Variants in DNAI3 observed in about 807,000 individuals in gnomAD.
The protein encoded by DNAI3 is dynein axonemal intermediate chain 3.
In DNAI3, 83 loss-of-function variants were observed where a neutral mutation model predicts 115.5. That is an observed-to-expected ratio of 0.72 (90% CI 0.60 to 0.86). The LOEUF (loss-of-function observed/expected upper bound fraction) is 0.86. DNAI3 is among the 40% of genes least tolerant of loss of function. DNAI3 has a pLI of 0.00. For synonymous variants in DNAI3, 320 were observed against 347.0 expected (o/e 0.92, Z 0.86); for missense variants, 1,004 against 1,075.8 (o/e 0.93, Z 0.93).
intron 6 of DNAI3, 112 bp downstream of exon 6, chr1:85,084,807 T>C: frequency 8.9e-7 from 1 of 1,129,858 alleles, no homozygotes; most frequent in Non-Finnish European, 1.1e-6. Context: ...TAGTTTTTGG[T>C]GTGTTGTTTT....
At chr1:85,124,674 G>A (rs1016013191) in intron 19 of DNAI3, among the ~76,000 whole-genome samples, 1 of 152,170 alleles carries the variant, frequency 6.6e-6, no homozygotes, top group Non-Finnish European at 1.5e-5. Context: ...GGGACGACAG[G>A]TGTACGCCAC....
At chr1:85,116,862 AAGAG>A (rs1655835246) in intron 16 of DNAI3, among the ~76,000 whole-genome samples, 1 of 152,166 alleles carries the variant, frequency 6.6e-6, no homozygotes. Context: ...ATCCAAAACA[AAGAG>A]AGTATTGGTT....
intron 19 of DNAI3, among the ~76,000 whole-genome samples, chr1:85,125,215 G>A (rs1406889000): frequency 6.6e-6 from 1 of 152,006 alleles, no homozygotes; most frequent in Non-Finnish European, 1.5e-5. Flanking sequence ...ATCAAAGCCT[G>A]AAACTATATA....
At chr1:85,076,664 G>C (rs894155892) in intron 3 of DNAI3, among the ~76,000 whole-genome samples, 1 of 152,126 alleles carries the variant, frequency 6.6e-6, no homozygotes, top group Admixed American at 6.5e-5. Flanking sequence ...GGTCTCATGA[G>C]ACTTATTCAC....
At chr1:85,084,168 T>C (rs577973656) in intron 5 of DNAI3, among the ~76,000 whole-genome samples, 1 of 103,376 alleles carries the variant, frequency 9.7e-6, no homozygotes, top group African/African-American at 3.3e-5. Flanking sequence ...TGTGTGTATA[T>C]ATATATGTGT....
chr1:85,069,224 TTAA>T (rs1386451707), intron 1 of DNAI3, among the ~76,000 whole-genome samples: 5 of 152,158 alleles, frequency 3.3e-5, no homozygotes, highest in Non-Finnish European at 7.4e-5. Context: ...CCCAGAACCT[TTAA>T]ACATACTGTT....
intron 10 of DNAI3, 28 bp downstream of exon 10, chr1:85,094,583 C>T (rs764430944): frequency 3.7e-6 from 6 of 1,608,096 alleles, no homozygotes; most frequent in Non-Finnish European, 5.1e-6. Flanking sequence ...CCTACATAGC[C>T]TAAATTTTCA....
Position 85,084,263 on chromosome 1 carries a change from TATATATATATATATACACATCC to T in DNAI3, c.391-278_391-257del, listed in dbSNP as rs200200836. ...TATCAGCAGTGTGTATATATATATATATATATATATATATACACATCCATATGTAGAGATGTGTATATATATC... is the reference window on the plus strand; with the variant it reads ...TATCAGCAGTGTGTATATATATATATATATGTAGAGATGTGTATATATATC... On this transcript the variant is annotated intron_variant, in intron 5 of 22. Coordinates refer to ENST00000294664, the MANE Select transcript of DNAI3 (RefSeq NM_145172.5). 3.1e-3 allele frequency among the ~76,000 whole-genome samples: 329 copies of T among 104,950 alleles called. 14 individuals carry two copies. The East Asian group carries it at 0.076, about 24-fold the overall frequency. 68.9% of individuals were successfully genotyped at this position (104,950 alleles called of 152,430 possible).
intron 1 of DNAI3, among the ~76,000 whole-genome samples, chr1:85,063,349 A>T (rs1245095585): frequency 6.6e-6 from 1 of 151,520 alleles, no homozygotes; most frequent in Non-Finnish European, 1.5e-5. Flanking sequence ...GGTGGGAGGG[A>T]AGGGGATTCT....
Position 85,127,161 on chromosome 1 carries a change from A to G in DNAI3, c.2317+446A>G, listed in dbSNP as rs150304584. On this transcript the variant is annotated intron_variant, in intron 20 of 22. Coordinates refer to ENST00000294664, the MANE Select transcript of DNAI3 (RefSeq NM_145172.5). Reference sequence around the variant, plus strand: ...TACAAATCATATTTTTAAATATTATATCACTTTTGTGGTTCTCCCCTGGCT... The same window carrying G: ...TACAAATCATATTTTTAAATATTATGTCACTTTTGTGGTTCTCCCCTGGCT... Among the ~76,000 whole-genome samples the G allele has an allele frequency of 3.0e-3, 459 of 152,300 alleles. 1 individual carries two copies. In the Middle Eastern group the frequency reaches 0.034, roughly 11 times the overall value.
chr1:85,122,031 C>T (rs1015659470), intron 18 of DNAI3, among the ~76,000 whole-genome samples: 1 of 152,154 alleles, frequency 6.6e-6, no homozygotes, highest in Non-Finnish European at 1.5e-5. Flanking sequence ...CTACGCCAGG[C>T]CTTCTGAATT....
At chr1:85,119,777 AACCTCCACC>A (rs1655937614) in intron 17 of DNAI3, among the ~76,000 whole-genome samples, 1 of 151,430 alleles carries the variant, frequency 6.6e-6, no homozygotes, top group Non-Finnish European at 1.5e-5. Flanking sequence ...GGCTTATTGC[AACCTCCACC>A]TCCCAGGTTC....
intron 22 of DNAI3, among the ~76,000 whole-genome samples, chr1:85,130,936 TGGAATTTTG>T (rs1347405537): frequency 6.6e-6 from 1 of 152,192 alleles, no homozygotes; most frequent in Non-Finnish European, 1.5e-5. Flanking sequence ...CCTTGCCCAC[TGGAATTTTG>T]GGCTTCTAAA....
Position 85,081,338 on chromosome 1 carries a change from A to G in DNAI3, c.208A>G (p.Asn70Asp). 1.2e-6 allele frequency: 2 copies of G among 1,605,052 alleles called. No individual in the cohort carries two copies. Among genetic ancestry groups the G allele is most frequent in the Non-Finnish European group, 1.7e-6 (2 of 1,177,464 alleles). ...VTDEQPYKLI[N>D]KEDIFEDLRN... The stretch of plus-strand genomic sequence containing the variant: ...AGATGAACAACCTTATAAGCTTATC[A>G]ATAAAGAAGACATTTTTGAGGACCT... Residue 70 changes from asparagine to aspartate, a missense_variant, in exon 4 of 23, where the codon AAT becomes GAT. Asn to Asp is a conservative substitution (Grantham distance 23). Transcript: ENST00000294664.
At chr1:85,093,687 A>G (rs1201447722) in intron 9 of DNAI3, 39 bp downstream of exon 9, 1 of 1,611,356 alleles carries the variant, frequency 6.2e-7, no homozygotes, top group Non-Finnish European at 8.5e-7. Flanking sequence ...TTGTGATAAC[A>G]TTGAAATTGT....
chr1:85,115,326 G>C (rs1168485132), intron 16 of DNAI3, among the ~76,000 whole-genome samples: 1 of 152,224 alleles, frequency 6.6e-6, no homozygotes, highest in East Asian at 1.9e-4. Flanking sequence ...GTGAGACCTT[G>C]CATAAATTAC....
At chr1:85,068,314 A>G (rs72946754) in intron 1 of DNAI3, among the ~76,000 whole-genome samples, 2,308 of 152,248 alleles carry the variant, frequency 0.015, 51 homozygotes, top group African/African-American at 0.053. Flanking sequence ...CTCAATAAAT[A>G]GCAACTCCAT....
chr1:85,097,075 T>C (rs1330172149), intron 11 of DNAI3, among the ~76,000 whole-genome samples: 1 of 152,124 alleles, frequency 6.6e-6, no homozygotes, highest in African/African-American at 2.4e-5. Flanking sequence ...ATCTACCTTA[T>C]CCTGACTTGT....
At position 85,097,613 on chromosome 1, in the gene DNAI3, C is replaced by T. The variant is rs553841041; in HGVS notation, c.1308C>T (p.Asn436=). The T allele has an allele frequency of 2.5e-6, 4 of 1,612,820 alleles. No individual in the cohort carries two copies. The South Asian group carries it at 3.3e-5, about 13-fold the overall frequency. Residue 436 remains asparagine (N), a synonymous_variant, in exon 12 of 23, where the codon AAC becomes AAT. Coordinates refer to ENST00000294664, the MANE Select transcript of DNAI3 (RefSeq NM_145172.5). ...CCGCACATGCAGATCGCATAGAAAA[C>T]ATTAAGGCAGGTGGTAGTAGAAGTA... The part of the protein sequence containing the change: ...DITAHADRIE[N]IKAGGSRSKR...
Sources: gnomAD v4.1 joint callset for allele counts (sites outside exome capture counted in the v4.1 genomes callset) on GRCh38, gnomAD v4.1.1 for gene constraint, MANE v1.5 for transcripts, NCBI Gene and HGNC (gene_info 2026-07-23, HGNC 2026-07-21) for gene names.